The following STXBP5L variants were observed in gnomAD, a reference collection of about 807,000 sequenced individuals.
The protein encoded by STXBP5L is syntaxin binding protein 5L.
Under a neutral mutation model 144.5 loss-of-function variants are expected in STXBP5L, and 65 were observed. That is an observed-to-expected ratio of 0.45 (90% CI 0.37 to 0.55). The LOEUF (loss-of-function observed/expected upper bound fraction) is 0.55. Ranked by LOEUF, STXBP5L falls within the 20% of genes least tolerant of loss-of-function variation. STXBP5L has a pLI of 0.00. For missense variants in STXBP5L, 1,298 were observed against 1,405.5 expected, an observed-to-expected ratio of 0.92 and a Z score of 1.22; for synonymous variants, 505 against 469.6, an observed-to-expected ratio of 1.08 and a Z score of -0.97.
intron 6 of STXBP5L, among the ~76,000 whole-genome samples, chr3:121,118,855 G>C (rs1406464846): frequency 6.6e-6 from 1 of 151,598 alleles, no homozygotes; most frequent in Non-Finnish European, 1.5e-5. Flanking sequence ...GCAAGAGGTT[G>C]AGTAGGTTGA....
rs2047356588 is a variant in STXBP5L, at chr3:121,421,723, C to T, written c.*2626C>T. ...AACAACTACAGAATATTTTAAGGCA[C>T]ACAGAGAAAATATCAAAAAGGACAT... On this transcript the variant is annotated 3_prime_UTR_variant, in exon 27 of 27. Coordinates refer to ENST00000471454, the MANE Select transcript of STXBP5L (RefSeq NM_001308330.2). 6.6e-6 allele frequency: 1 copy of T among 152,060 alleles called. No individual in the cohort carries two copies. 9.4% of individuals were successfully genotyped at this position (152,060 alleles called of 1,614,324 possible).
At chr3:121,055,396 A>T (rs944140671) in intron 5 of STXBP5L, among the ~76,000 whole-genome samples, 2 of 152,164 alleles carry the variant, frequency 1.3e-5, no homozygotes, top group Non-Finnish European at 2.9e-5. Context: ...AATTTATACT[A>T]TAAATTTTAG....
chr3:120,983,752 A>C (rs1942027431), intron 3 of STXBP5L, among the ~76,000 whole-genome samples: 1 of 152,024 alleles, frequency 6.6e-6, no homozygotes, highest in South Asian at 2.1e-4. Context: ...TCAGTTTCAC[A>C]CCTATCCCAG....
chr3:121,330,165 T>C (rs1390714070), intron 20 of STXBP5L, among the ~76,000 whole-genome samples: 1 of 152,150 alleles, frequency 6.6e-6, no homozygotes, highest in Non-Finnish European at 1.5e-5. Flanking sequence ...GGAAGGCTTA[T>C]GGCATAGGGC....
chr3:121,075,989 A>G (rs959150490), intron 5 of STXBP5L, among the ~76,000 whole-genome samples: 3 of 152,220 alleles, frequency 2.0e-5, no homozygotes, highest in African/African-American at 7.2e-5. Flanking sequence ...AGGAAAATGG[A>G]CTGCATTAGA....
At chr3:121,287,965 G>A (rs564670500) in intron 19 of STXBP5L, among the ~76,000 whole-genome samples, 3 of 152,252 alleles carry the variant, frequency 2.0e-5, no homozygotes, top group African/African-American at 4.8e-5. Flanking sequence ...ATTCCAAATC[G>A]ATTTGTTGTT....
intron 2 of STXBP5L, among the ~76,000 whole-genome samples, chr3:120,952,870 T>C (rs1357527): frequency 0.53 from 80,262 of 151,770 alleles, 21,762 homozygotes; most frequent in African/African-American, 0.62. Context: ...GTGATCATGG[T>C]TTACTGCAGC....
intron 3 of STXBP5L, among the ~76,000 whole-genome samples, chr3:120,960,917 A>G (rs986368437): frequency 2.6e-5 from 4 of 152,202 alleles, no homozygotes; most frequent in Non-Finnish European, 5.9e-5. Context: ...AATAAAAAAA[A>G]AAGGAATTCA....
chr3:121,392,682 A>G (rs1266808469), intron 22 of STXBP5L, among the ~76,000 whole-genome samples: 1 of 149,790 alleles, frequency 6.7e-6, no homozygotes, highest in East Asian at 2.0e-4. Context: ...GACAAACCAA[A>G]CTCCTTGTCA....
intron 9 of STXBP5L, among the ~76,000 whole-genome samples, chr3:121,183,048 T>G (rs774239282): frequency 1.1e-4 from 16 of 152,056 alleles, no homozygotes; most frequent in Non-Finnish European, 2.2e-4. Context: ...AAACAGAATT[T>G]AAAACAAAAA....
intron 11 of STXBP5L, among the ~76,000 whole-genome samples, chr3:121,232,814 C>T (rs902030031): frequency 7.9e-5 from 12 of 152,078 alleles, no homozygotes; most frequent in Admixed American, 2.6e-4. Context: ...TTATAGTCAG[C>T]GCGTAATAAG....
chr3:120,911,183 C>G (rs1198972854), intron 2 of STXBP5L, among the ~76,000 whole-genome samples: 4 of 151,962 alleles, frequency 2.6e-5, no homozygotes, highest in Non-Finnish European at 5.9e-5. Context: ...ACTTCTGAAA[C>G]AGAATGGCAT....
chr3:121,079,105 G>A (rs143285583), intron 5 of STXBP5L, among the ~76,000 whole-genome samples: 11 of 152,394 alleles, frequency 7.2e-5, no homozygotes, highest in South Asian at 2.1e-4. Flanking sequence ...CTGCCAGCAC[G>A]CTGTCACCAC....
At chr3:121,336,112 T>C (rs748878898) in intron 20 of STXBP5L, among the ~76,000 whole-genome samples, 1 of 152,042 alleles carries the variant, frequency 6.6e-6, no homozygotes, top group African/African-American at 2.4e-5. Context: ...AGGATATGAA[T>C]AGACACTTTT....
chr3:121,211,966 G>A (rs529927790), intron 10 of STXBP5L, among the ~76,000 whole-genome samples: 9 of 152,296 alleles, frequency 5.9e-5, no homozygotes, highest in African/African-American at 2.2e-4. Flanking sequence ...CTAATGACCA[G>A]TGTTGATGAG....
At chr3:121,192,278 C>T (rs1434426050) in intron 9 of STXBP5L, among the ~76,000 whole-genome samples, 1 of 152,084 alleles carries the variant, frequency 6.6e-6, no homozygotes, top group South Asian at 2.1e-4. Context: ...TGTGAAGGAC[C>T]TCTTCAAGGA....
At chr3:121,122,466 A>G (rs758020456) in intron 7 of STXBP5L, among the ~76,000 whole-genome samples, 5 of 151,348 alleles carry the variant, frequency 3.3e-5, no homozygotes, top group Non-Finnish European at 5.9e-5. Context: ...GAAAATGTAT[A>G]CGAATAGCCA....
intron 9 of STXBP5L, among the ~76,000 whole-genome samples, chr3:121,176,802 G>T (rs2046955716): frequency 6.6e-6 from 1 of 151,242 alleles, no homozygotes. Flanking sequence ...AAATGAAGGA[G>T]TTTTTTTAAA....
At position 121,194,909 on chromosome 3, in the gene STXBP5L, C is replaced by CTTTTTTTTTTT. The variant is rs10717806; in HGVS notation, c.878-10999_878-10989dup. On this transcript the variant is annotated intron_variant, in intron 9 of 26. Transcript: ENST00000471454. ...TCTGAGATAGGTCCCTCTTTTCACTCTTTTTTTTTTTTTTTTTTTTTTTTT... is the reference window on the plus strand; with the variant it reads ...TCTGAGATAGGTCCCTCTTTTCACTCTTTTTTTTTTTTTTTTTTTTTTTTTTTTTTTTTTTT... 1.8e-4 allele frequency among the ~76,000 whole-genome samples: 12 copies of CTTTTTTTTTTT among 68,492 alleles called. 1 individual carries two copies. The highest frequency in any genetic ancestry group is 4.6e-4 in the Admixed American group (2 of 4,348). The allele number at this position is 68,492 out of a possible 152,430, so 44.9% of individuals were successfully genotyped here.
Sources: gnomAD v4.1 joint callset for allele counts (sites outside exome capture counted in the v4.1 genomes callset) on GRCh38, gnomAD v4.1.1 for gene constraint, MANE v1.5 for transcripts, NCBI Gene and HGNC (gene_info 2026-07-23, HGNC 2026-07-21) for gene names.